Variants in EFHD1 observed in about 807,000 individuals in gnomAD.
The protein encoded by EFHD1 is EF-hand domain-containing protein D1.
In EFHD1, 10 loss-of-function variants were observed where a neutral mutation model predicts 17.2. The observed-to-expected ratio is 0.58, with a 90% confidence interval of 0.36 to 0.99. The LOEUF is 0.99. EFHD1 is among the 50% of genes least tolerant of loss of function. The probability of loss-of-function intolerance (pLI) is 0.01; values close to 1 mark genes in which losing one functional copy is unlikely to be tolerated. For missense variants in EFHD1, 310 were observed against 327.5 expected, an observed-to-expected ratio of 0.95 and a Z score of 0.41; for synonymous variants, 153 against 142.0, an observed-to-expected ratio of 1.08 and a Z score of -0.55.
At chr2:232,626,781 T>C (rs1046124395) in intron 1 of EFHD1, among the ~76,000 whole-genome samples, 5 of 152,050 alleles carry the variant, frequency 3.3e-5, no homozygotes, top group Non-Finnish European at 7.4e-5. Context: ...CTATTCACAG[T>C]TGGGTATTCA....
At chr2:232,678,981 A>T (rs890329437) in intron 3 of EFHD1, among the ~76,000 whole-genome samples, 1 of 152,168 alleles carries the variant, frequency 6.6e-6, no homozygotes, top group East Asian at 1.9e-4. Flanking sequence ...GCGGTTCATA[A>T]TGTGATGACT....
In EFHD1 at chr2:232,614,941, A is replaced by G. The variant is rs530120428; in HGVS notation, c.14+8768A>G. 2.4e-3 allele frequency among the ~76,000 whole-genome samples: 368 copies of G among 152,208 alleles called. 2 individuals carry two copies. Among genetic ancestry groups the G allele is most frequent in the African/African-American group, 8.4e-3 (348 of 41,552 alleles). On this transcript the variant is annotated intron_variant, in intron 1 of 3. Transcript: ENST00000409613. ...CTGTGAGCCGGGATTGCGCCACTGCACTCCAGTCTGGGTGACAGAGTGAGA... is the reference window on the plus strand; with the variant it reads ...CTGTGAGCCGGGATTGCGCCACTGCGCTCCAGTCTGGGTGACAGAGTGAGA...
At chr2:232,638,543 C>T in intron 1 of EFHD1, 1 of 456,202 alleles carries the variant, frequency 2.2e-6, no homozygotes, top group Non-Finnish European at 4.5e-6. Context: ...GTTTCTTTTT[C>T]TCCTCCTTAG....
chr2:232,657,798 A>C (rs1380098285), intron 1 of EFHD1, among the ~76,000 whole-genome samples: 1 of 147,376 alleles, frequency 6.8e-6, no homozygotes, highest in African/African-American at 2.6e-5. Flanking sequence ...GGCAACAAGA[A>C]TGAAACTCCA....
At chr2:232,678,828 G>C (rs978713246) in intron 3 of EFHD1, among the ~76,000 whole-genome samples, 2 of 152,112 alleles carry the variant, frequency 1.3e-5, no homozygotes, top group South Asian at 4.2e-4. Context: ...TCTCTTTCAC[G>C]TGGGAACTTA....
intron 1 of EFHD1, among the ~76,000 whole-genome samples, chr2:232,621,558 T>C (rs1208681610): frequency 1.3e-5 from 2 of 152,122 alleles, no homozygotes; most frequent in Non-Finnish European, 2.9e-5. Flanking sequence ...GTTCAAGTGA[T>C]TCCCCTGCCT....
intron 1 of EFHD1, among the ~76,000 whole-genome samples, chr2:232,636,247 A>G (rs1341519325): frequency 1.3e-5 from 2 of 152,188 alleles, no homozygotes; most frequent in African/African-American, 4.8e-5. Flanking sequence ...CAGTCTTGTG[A>G]GGCTGTGAAG....
intron 2 of EFHD1, among the ~76,000 whole-genome samples, chr2:232,665,658 G>T (rs769170127): frequency 6.6e-6 from 1 of 152,206 alleles, no homozygotes; most frequent in Non-Finnish European, 1.5e-5. Context: ...CTGGCCTCAG[G>T]CAGTCCACCT....
At chr2:232,627,875 AT>A (rs747692953) in intron 1 of EFHD1, among the ~76,000 whole-genome samples, 3 of 151,796 alleles carry the variant, frequency 2.0e-5, no homozygotes, top group East Asian at 1.9e-4. Context: ...TTTGTTTGTT[AT>A]TTTTTTGTAA....
Position 232,662,800 on chromosome 2 carries a change from A to G in EFHD1, c.303-2A>G. 1 of 1,569,334 alleles carries G rather than the reference A, an allele frequency of 6.4e-7. No homozygotes were observed. The highest frequency in any genetic ancestry group is 2.5e-5 in the East Asian group (1 of 40,342). ...CGGTCATGCATTCCTTTGACCCTGC[A>G]GGTATGACGCTGGGCGGGATGGCTT... On this transcript the variant is annotated splice_acceptor_variant, in intron 1 of 3. Coordinates refer to ENST00000264059, the MANE Select transcript of EFHD1 (RefSeq NM_025202.4). LOFTEE classifies it high-confidence loss of function.
intron 1 of EFHD1, among the ~76,000 whole-genome samples, chr2:232,644,813 T>A (rs1373471284): frequency 3.4e-5 from 5 of 148,598 alleles, no homozygotes; most frequent in African/African-American, 1.3e-4. Context: ...TTTTTTTTTT[T>A]TAATTTTTAG....
rs149807478 is a variant in EFHD1 at position 232,655,298 on chromosome 2, G to A, written c.303-7504G>A. On this transcript the variant is annotated intron_variant, in intron 1 of 3. Transcript: ENST00000264059. ...GCCTCTGGAGTAGCTAGGATTACAGGTTCAAGCCACTGTACCTGCCCTTAG... is the reference window on the plus strand; with the variant it reads ...GCCTCTGGAGTAGCTAGGATTACAGATTCAAGCCACTGTACCTGCCCTTAG... Among the ~76,000 whole-genome samples the A allele has an allele frequency of 2.3e-3, 345 of 152,298 alleles. 2 individuals carry two copies. Among genetic ancestry groups the A allele is most frequent in the African/African-American group, 7.4e-3 (307 of 41,560 alleles).
upstream of EFHD1, among the ~76,000 whole-genome samples, chr2:232,629,843 GCC>G (rs972168705): frequency 4.0e-5 from 6 of 150,856 alleles, no homozygotes; most frequent in African/African-American, 1.5e-4. Context: ...TTAATAATTT[GCC>G]CCCTTTAGTT....
upstream of EFHD1, among the ~76,000 whole-genome samples, chr2:232,629,005 C>T (rs1385995544): frequency 6.6e-6 from 1 of 152,128 alleles, no homozygotes; most frequent in African/African-American, 2.4e-5. Context: ...GCCAACAGCC[C>T]CAGTGAAGGG....
chr2:232,665,391 C>T (rs1471832822), intron 2 of EFHD1, among the ~76,000 whole-genome samples: 1 of 151,834 alleles, frequency 6.6e-6, no homozygotes, highest in Non-Finnish European at 1.5e-5. Context: ...ATCAGAAGAC[C>T]TCTAGATGTG....
intron 3 of EFHD1, 149 bp downstream of exon 3, chr2:232,672,592 G>A (rs568741558): frequency 2.7e-6 from 3 of 1,106,118 alleles, no homozygotes; most frequent in African/African-American, 3.1e-5. Context: ...CAGCAAGTGG[G>A]TGCCAGTCCA....
chr2:232,606,287 C>T (rs963636376), intron 1 of EFHD1: 4 of 1,269,456 alleles, frequency 3.2e-6, no homozygotes, highest in Non-Finnish European at 4.5e-6. Context: ...GCTTTCGCCA[C>T]CGGAGGGCAC....
chr2:232,664,187 A>G (rs1172555401), intron 2 of EFHD1, among the ~76,000 whole-genome samples: 1 of 151,712 alleles, frequency 6.6e-6, no homozygotes, highest in Non-Finnish European at 1.5e-5. Context: ...TGCCCAGGCT[A>G]GAATGCAGTG....
rs1002648279 is a variant in EFHD1, at chr2:232,633,805, C to G, written c.101C>G (p.Pro34Arg). Residue 34 changes from proline (P) to arginine (R), a missense_variant, in exon 1 of 4, where the codon CCG (proline) becomes CGG (arginine). Pro to Arg is a moderately radical substitution (Grantham distance 103). Transcript: ENST00000264059. ...CTGGCTCCCCTCGGCGCCCCAGCCC[C>G]GGAGCCCAAGCCCGAGCCCGAGCCT... is the stretch of plus-strand genomic sequence containing the variant. Reference protein sequence around the residue: ...PQLAPLGAPAPEPKPEPEPPA... With the variant: ...PQLAPLGAPAREPKPEPEPPA... 17 of 1,460,472 alleles carry G rather than the reference C, an allele frequency of 1.2e-5. No homozygotes were observed. Among genetic ancestry groups the G allele is most frequent in the South Asian group, 9.3e-5 (7 of 75,234 alleles). The allele number at this position is 1,460,472 out of a possible 1,614,324, so 90.5% of individuals were successfully genotyped here.
Sources: allele counts gnomAD v4.1 joint callset (sites outside exome capture counted in the v4.1 genomes callset), GRCh38; gene constraint gnomAD v4.1.1; transcripts MANE v1.5; gene names NCBI Gene and HGNC (gene_info 2026-07-23, HGNC 2026-07-21).